The following LOC128462377 variants were observed in gnomAD, a reference collection of about 807,000 sequenced individuals.
chr16:89,340,493 T>C, the LOC128462377 span, among the ~76,000 whole-genome samples: 3 of 152,340 alleles, frequency 2.0e-5, no homozygotes, highest in East Asian at 5.8e-4. Flanking sequence ...CAGGCTGATC[T>C]TGAACTCCTG....
chr16:89,353,571 G>A, the LOC128462377 span, among the ~76,000 whole-genome samples: 16 of 151,852 alleles, frequency 1.1e-4, no homozygotes, highest in South Asian at 6.2e-4. Flanking sequence ...TCCGCCTTCC[G>A]GGTTCAAGCA....
At chr16:89,415,829 C>CAAAAAAAAAAAAAAAAAAAAAAAAAAAA in the LOC128462377 span, among the ~76,000 whole-genome samples, 133 of 39,710 alleles carry the variant, frequency 3.3e-3, 14 homozygotes, top group Non-Finnish European at 4.4e-3. Context: ...GACTCTGTCT[C>CAAAAAAAAAAAAAAAAAAAAAAAAAAAA]AAAAAAAAAA....
chr16:89,394,154 A>C, the LOC128462377 span, among the ~76,000 whole-genome samples: 1 of 151,804 alleles, frequency 6.6e-6, no homozygotes, highest in South Asian at 2.1e-4. Flanking sequence ...CTGCAAGCAC[A>C]ATGTCCTCCT....
At chr16:89,323,295 T>C in the LOC128462377 span, 1 of 1,288,712 alleles carries the variant, frequency 7.8e-7, no homozygotes, top group South Asian at 1.2e-5. Context: ...AGCCCTTGAG[T>C]GACACACCCT....
At chr16:89,382,557 C>T in the LOC128462377 span, among the ~76,000 whole-genome samples, 1 of 151,960 alleles carries the variant, frequency 6.6e-6, no homozygotes, top group South Asian at 2.1e-4. Context: ...GAACTCCTGA[C>T]CTCAAGTGAT....
chr16:89,328,953 G>A, the LOC128462377 span: 3 of 140,944 alleles, frequency 2.1e-5, no homozygotes, highest in East Asian at 4.3e-4. Context: ...CCAGGAGCAC[G>A]GGCGAAATCA....
At chr16:89,371,866 G>C in the LOC128462377 span, among the ~76,000 whole-genome samples, 1 of 152,226 alleles carries the variant, frequency 6.6e-6, no homozygotes. Flanking sequence ...AGGAAAGGGA[G>C]GTAGACCTGG....
the LOC128462377 span, among the ~76,000 whole-genome samples, chr16:89,390,472 G>GA: frequency 6.6e-6 from 1 of 152,084 alleles, no homozygotes; most frequent in African/African-American, 2.4e-5. Flanking sequence ...GTGGAGGGCA[G>GA]AAAAAAATAC....
chr16:89,383,200 G>A, the LOC128462377 span, among the ~76,000 whole-genome samples: 3 of 152,338 alleles, frequency 2.0e-5, no homozygotes, highest in Admixed American at 2.0e-4. Context: ...GGTCACCTCA[G>A]GGAGGAAGAG....
the LOC128462377 span, among the ~76,000 whole-genome samples, chr16:89,317,564 T>C: frequency 6.6e-6 from 1 of 152,162 alleles, no homozygotes; most frequent in Non-Finnish European, 1.5e-5. Context: ...AAGGAGCTCC[T>C]GTCCCCACCA....
At chr16:89,377,264 C>A in the LOC128462377 span, among the ~76,000 whole-genome samples, 2 of 151,956 alleles carry the variant, frequency 1.3e-5, no homozygotes, top group Non-Finnish European at 2.9e-5. Flanking sequence ...GGACTGTCAA[C>A]ATGGGAGAGA....
At chr16:89,413,600 G>A in the LOC128462377 span, among the ~76,000 whole-genome samples, 2 of 152,248 alleles carry the variant, frequency 1.3e-5, no homozygotes, top group East Asian at 3.9e-4. Flanking sequence ...ACTCCAGCCT[G>A]GGCGACAGCC....
At chr16:89,417,567 G>C in the LOC128462377 span, among the ~76,000 whole-genome samples, 3 of 152,044 alleles carry the variant, frequency 2.0e-5, no homozygotes. Context: ...AAGGAGTCAG[G>C]GCTGGCGAAC....
chr16:89,323,687 C>T, the LOC128462377 span: 1 of 303,716 alleles, frequency 3.3e-6, no homozygotes. Context: ...ACGTCAGCGT[C>T]TCTGTCCAGC....
chr16:89,350,566 C>T, the LOC128462377 span, among the ~76,000 whole-genome samples: 9 of 152,138 alleles, frequency 5.9e-5, no homozygotes, highest in Non-Finnish European at 1.2e-4. Context: ...CTCAATGATT[C>T]CATTCATATT....
chr16:89,379,197 G>C, the LOC128462377 span, among the ~76,000 whole-genome samples: 1 of 152,262 alleles, frequency 6.6e-6, no homozygotes, highest in Non-Finnish European at 1.5e-5. Flanking sequence ...CTGGCAGCCG[G>C]CGGGCTAGAA....
At chr16:89,413,868 C>G in the LOC128462377 span, among the ~76,000 whole-genome samples, 1,047 of 152,244 alleles carry the variant, frequency 6.9e-3, 5 homozygotes, top group Admixed American at 0.012. Context: ...GCTTTCAAGG[C>G]CAGACTGGGG....
chr16:89,375,951 A>G, the LOC128462377 span, among the ~76,000 whole-genome samples: 1 of 152,176 alleles, frequency 6.6e-6, no homozygotes. Flanking sequence ...AACTTGCGTG[A>G]CACGCCGCAG....
At chr16:89,348,838 C>G in the LOC128462377 span, among the ~76,000 whole-genome samples, 1 of 150,942 alleles carries the variant, frequency 6.6e-6, no homozygotes, top group African/African-American at 2.4e-5. Context: ...TTCTCCTGAT[C>G]CATTTGGCTA....
Sources: allele counts gnomAD v4.1 joint callset (sites outside exome capture counted in the v4.1 genomes callset), GRCh38; gene constraint gnomAD v4.1.1; transcripts MANE v1.5.